The following CNIH3 variants were observed in gnomAD, a reference collection of about 807,000 sequenced individuals.
CNIH3 encodes the protein protein cornichon homolog 3.
CNIH3 carries 14 observed loss-of-function variants against 24.1 expected under a neutral mutation model. The ratio of observed to expected loss-of-function variants is 0.58; its 90% CI spans 0.38 to 0.91. The LOEUF is 0.91. Among genes scored for constraint, CNIH3 ranks in the 40% least tolerant of loss-of-function variants. The pLI, the probability that CNIH3 is intolerant of heterozygous loss-of-function variation, is 0.00. For missense variants in CNIH3, 178 were observed against 196.8 expected (o/e 0.90, Z 0.57); for synonymous variants, 68 against 73.8 (o/e 0.92, Z 0.40).
intron 1 of CNIH3, among the ~76,000 whole-genome samples, chr1:224,482,690 C>T (rs112875367): frequency 1.6e-3 from 238 of 152,036 alleles, no homozygotes; most frequent in African/African-American, 5.6e-3. Flanking sequence ...GAGCTGTGAG[C>T]TGTACTACCT....
chr1:224,469,560 C>T (rs534070349), intron 1 of CNIH3, among the ~76,000 whole-genome samples: 17 of 152,158 alleles, frequency 1.1e-4, no homozygotes, highest in African/African-American at 3.1e-4. Flanking sequence ...CAGACTGGAG[C>T]GCAGTGGTGC....
downstream of CNIH3, among the ~76,000 whole-genome samples, chr1:224,538,265 A>G (rs1572436411): frequency 6.6e-6 from 1 of 151,662 alleles, no homozygotes; most frequent in East Asian, 1.9e-4. Flanking sequence ...TGTTAATTAA[A>G]GTGGAAAAGT....
intron 1 of CNIH3, among the ~76,000 whole-genome samples, chr1:224,645,500 C>T (rs1305914319): frequency 1.3e-5 from 2 of 152,262 alleles, no homozygotes; most frequent in Non-Finnish European, 2.9e-5. Flanking sequence ...CGTTTCCAGC[C>T]CTCTGAAGGC....
chr1:224,574,404 C>A, intron 4 of CNIH3: 1 of 517,930 alleles, frequency 1.9e-6, no homozygotes, highest in South Asian at 3.3e-5. Context: ...GTACATGGTT[C>A]TGGGTGGGGG....
chr1:224,523,302 C>T (rs1678716426), intron 2 of CNIH3, among the ~76,000 whole-genome samples: 1 of 151,966 alleles, frequency 6.6e-6, no homozygotes, highest in Non-Finnish European at 1.5e-5. Flanking sequence ...AACCTAAATA[C>T]CCATCAACAG....
chr1:224,518,880 C>T (rs1678505884), intron 1 of CNIH3, among the ~76,000 whole-genome samples: 1 of 152,182 alleles, frequency 6.6e-6, no homozygotes, highest in Non-Finnish European at 1.5e-5. Flanking sequence ...ATAGTGGTTA[C>T]AAACAGGTTT....
intron 1 of CNIH3, among the ~76,000 whole-genome samples, chr1:224,481,466 G>A (rs1318537749): frequency 2.0e-5 from 3 of 152,180 alleles, no homozygotes; most frequent in Non-Finnish European, 2.9e-5. Flanking sequence ...AGCTGCATTA[G>A]GGGGTACCTC....
At chr1:224,605,201 T>G (rs1682368736) in intron 3 of CNIH3, among the ~76,000 whole-genome samples, 1 of 152,238 alleles carries the variant, frequency 6.6e-6, no homozygotes, top group Admixed American at 6.5e-5. Context: ...AGAATTTAAC[T>G]TGTAGCTTGG....
chr1:224,710,703 T>TA (rs1436357321), intron 3 of CNIH3, among the ~76,000 whole-genome samples: 1 of 152,216 alleles, frequency 6.6e-6, no homozygotes, highest in Non-Finnish European at 1.5e-5. Flanking sequence ...ATGCATAAGT[T>TA]ACAGTTACTG....
intron 1 of CNIH3, among the ~76,000 whole-genome samples, chr1:224,494,147 T>G (rs560620344): frequency 6.6e-6 from 1 of 152,218 alleles, no homozygotes; most frequent in African/African-American, 2.4e-5. Flanking sequence ...GGTAATATAA[T>G]TTCTGAATAT....
At chr1:224,524,230 G>GCAGAAC (rs1678756175) in intron 2 of CNIH3, among the ~76,000 whole-genome samples, 1 of 152,166 alleles carries the variant, frequency 6.6e-6, no homozygotes, top group Non-Finnish European at 1.5e-5. Flanking sequence ...CTCTCAGAGG[G>GCAGAAC]CAGAACCAGG....
At chr1:224,545,849 G>A (rs915125390) in intron 2 of CNIH3, among the ~76,000 whole-genome samples, 2 of 152,132 alleles carry the variant, frequency 1.3e-5, no homozygotes, top group African/African-American at 4.8e-5. Flanking sequence ...ACAATACCAC[G>A]GACTGGGTGG....
chr1:224,470,212 G>T (rs1320301361), intron 1 of CNIH3, among the ~76,000 whole-genome samples: 1 of 151,298 alleles, frequency 6.6e-6, no homozygotes, highest in Non-Finnish European at 1.5e-5. Context: ...TAGAGACGGG[G>T]TTTCACTGTG....
At chr1:224,622,921 G>T (rs1318143999) in intron 1 of CNIH3, among the ~76,000 whole-genome samples, 1 of 152,160 alleles carries the variant, frequency 6.6e-6, no homozygotes, top group Non-Finnish European at 1.5e-5. Flanking sequence ...TTCCTCTGGG[G>T]CCTTATTCTT....
chr1:224,649,777 A>G (rs182252492), intron 1 of CNIH3, among the ~76,000 whole-genome samples: 1 of 152,278 alleles, frequency 6.6e-6, no homozygotes, highest in African/African-American at 2.4e-5. Flanking sequence ...CCTGGGAAGT[A>G]TTTACACCTG....
At chr1:224,550,586 A>G (rs1484471700) in intron 3 of CNIH3, among the ~76,000 whole-genome samples, 1 of 152,196 alleles carries the variant, frequency 6.6e-6, no homozygotes. Flanking sequence ...GTGTTTCTTT[A>G]ATGTCACACA....
intron 3 of CNIH3, among the ~76,000 whole-genome samples, chr1:224,708,505 C>A (rs190328862): frequency 1.1e-4 from 17 of 152,350 alleles, no homozygotes; most frequent in Admixed American, 3.9e-4. Context: ...CACTCCCCGC[C>A]TGCGCTTCCT....
chr1:224,575,244 T>C (rs2125006157), intron 4 of CNIH3: 2 of 1,341,874 alleles, frequency 1.5e-6, no homozygotes, highest in Non-Finnish European at 2.1e-6. Flanking sequence ...GACACCAGAA[T>C]GCATTGCTGA....
intron 5 of CNIH3, among the ~76,000 whole-genome samples, chr1:224,736,592 A>G (rs1386730766): frequency 6.6e-6 from 1 of 152,190 alleles, no homozygotes; most frequent in Non-Finnish European, 1.5e-5. Flanking sequence ...AGCTCTCTGG[A>G]CAATCTTGGT....
Sources: allele counts gnomAD v4.1 joint callset (sites outside exome capture counted in the v4.1 genomes callset), GRCh38; gene constraint gnomAD v4.1.1; transcripts MANE v1.5; gene names NCBI Gene and HGNC (gene_info 2026-07-23, HGNC 2026-07-21).